MSH3: variants seen among roughly 807,000 people sequenced by gnomAD.
MSH3 encodes mutS homolog 3.
In MSH3, 106 loss-of-function variants were observed where a neutral mutation model predicts 123.3. The ratio of observed to expected loss-of-function variants is 0.86; its 90% CI spans 0.73 to 1.01. MSH3 has a LOEUF of 1.01. Ranked by LOEUF, MSH3 falls within the 50% of genes least tolerant of loss-of-function variation. The probability of loss-of-function intolerance (pLI) is 0.00; values close to 1 mark genes in which losing one functional copy is unlikely to be tolerated. For synonymous variants in MSH3, 515 were observed against 481.4 expected (o/e 1.07, Z -0.91); for missense variants, 1,459 against 1,347.6 (o/e 1.08, Z -1.29).
intron 20 of MSH3, among the ~76,000 whole-genome samples, chr5:80,830,097 T>C (rs1211578037): frequency 6.6e-6 from 1 of 152,178 alleles, no homozygotes; most frequent in Non-Finnish European, 1.5e-5. Context: ...ATTTTTAATA[T>C]TAGTAATTTG....
intron 8 of MSH3, among the ~76,000 whole-genome samples, chr5:80,714,366 C>G (rs1750915987): frequency 1.3e-5 from 2 of 152,028 alleles, no homozygotes; most frequent in South Asian, 4.2e-4. Flanking sequence ...GAACTCCTGA[C>G]CTCAGGTGAT....
At chr5:80,717,614 T>C (rs908953453) in intron 8 of MSH3, among the ~76,000 whole-genome samples, 3 of 152,326 alleles carry the variant, frequency 2.0e-5, no homozygotes, top group Admixed American at 2.0e-4. Flanking sequence ...CTGTCTCAGT[T>C]TACATTCCCA....
intron 20 of MSH3, among the ~76,000 whole-genome samples, chr5:80,822,887 G>A (rs535848304): frequency 5.9e-5 from 9 of 152,316 alleles, no homozygotes; most frequent in Admixed American, 2.6e-4. Flanking sequence ...CAGCCTTAAG[G>A]AACTGGCCCA....
intron 21 of MSH3, among the ~76,000 whole-genome samples, chr5:80,859,706 TTC>T (rs199901182): frequency 0.013 from 1,884 of 149,998 alleles, 15 homozygotes; most frequent in African/African-American, 0.045. Context: ...TTATTTCATT[TTC>T]TCTCTTTTTT....
At chr5:80,775,242 T>C (rs1241899239) in intron 15 of MSH3, among the ~76,000 whole-genome samples, 1 of 152,184 alleles carries the variant, frequency 6.6e-6, no homozygotes, top group African/African-American at 2.4e-5. Context: ...GTTCCTTGGA[T>C]AAAAACTATC....
chr5:80,745,807 T>G lies in MSH3; in HGVS notation c.1763+1192T>G, dbSNP rs752457776. Among the ~76,000 whole-genome samples, 4 of 152,362 alleles carry G rather than the reference T, an allele frequency of 2.6e-5. No individual in the cohort carries two copies. In the South Asian group the frequency reaches 8.3e-4, roughly 32 times the overall value. The stretch of plus-strand genomic sequence containing the variant: ...TGCTAGGAGCTTTATGAGCATTGTC[T>G]CTTTTAAACTGCACAGCAGCCTCAC... On this transcript the variant is annotated intron_variant, in intron 12 of 23. Coordinates refer to ENST00000265081, the MANE Select transcript of MSH3 (RefSeq NM_002439.5).
intron 21 of MSH3, among the ~76,000 whole-genome samples, chr5:80,856,690 TTAAAG>T (rs1745926576): frequency 6.6e-6 from 1 of 152,000 alleles, no homozygotes; most frequent in African/African-American, 2.4e-5. Flanking sequence ...ACCCTAAAAC[TTAAAG>T]TATAATAATA....
chr5:80,675,277 G>A (rs1196160470), intron 7 of MSH3, 149 bp downstream of exon 7: 15 of 960,974 alleles, frequency 1.6e-5, no homozygotes, highest in Non-Finnish European at 2.2e-5. Context: ...AATATTATAT[G>A]TTAAATCGCT....
At chr5:80,746,147 A>C (rs1296218676) in intron 12 of MSH3, among the ~76,000 whole-genome samples, 1 of 152,204 alleles carries the variant, frequency 6.6e-6, no homozygotes, top group East Asian at 1.9e-4. Flanking sequence ...ACTTGATCAT[A>C]CTATGAGAAA....
At chr5:80,658,035 C>CCTTTTTTTTTTTTTTTTTTTTTTTTTT (rs369384745) in intron 2 of MSH3, among the ~76,000 whole-genome samples, 1 of 87,216 alleles carries the variant, frequency 1.1e-5, no homozygotes, top group Non-Finnish European at 2.2e-5. Flanking sequence ...GCTTTTTGCC[C>CCTTTTTTTTTTTTTTTTTTTTTTTTTT]TCTTTTTTTT....
chr5:80,804,305 G>C (rs1744844433), intron 19 of MSH3, among the ~76,000 whole-genome samples: 2 of 152,226 alleles, frequency 1.3e-5, no homozygotes, highest in Non-Finnish European at 1.5e-5. Context: ...CATGGGCCTT[G>C]GGTGAGACCC....
At chr5:80,725,704 C>A in intron 9 of MSH3, 139 bp downstream of exon 9, 1 of 699,244 alleles carries the variant, frequency 1.4e-6, no homozygotes, top group Non-Finnish European at 2.6e-6. Flanking sequence ...TTGTTGTGCT[C>A]ATCAGAAACA....
At chr5:80,829,654 AT>A (rs1745384854) in intron 20 of MSH3, among the ~76,000 whole-genome samples, 1 of 151,982 alleles carries the variant, frequency 6.6e-6, no homozygotes. Flanking sequence ...TTTATTGAGG[AT>A]TTTTGCATCT....
intron 9 of MSH3, among the ~76,000 whole-genome samples, chr5:80,726,345 CT>C (rs1743302790): frequency 6.6e-6 from 1 of 152,200 alleles, no homozygotes; most frequent in African/African-American, 2.4e-5. Flanking sequence ...CTCCCCATCA[CT>C]GCTCCATTTA....
chr5:80,697,666 T>G (rs973593083), intron 8 of MSH3, among the ~76,000 whole-genome samples: 5 of 152,136 alleles, frequency 3.3e-5, no homozygotes, highest in African/African-American at 1.2e-4. Context: ...TCATTTAGAT[T>G]GTGTAAGCTA....
intron 20 of MSH3, among the ~76,000 whole-genome samples, chr5:80,846,369 G>A (rs375195212): frequency 1.3e-5 from 2 of 151,662 alleles, no homozygotes; most frequent in Non-Finnish European, 2.9e-5. Context: ...TTTGGGACCC[G>A]CTTGAGGAGG....
intron 3 of MSH3, among the ~76,000 whole-genome samples, chr5:80,666,609 C>G (rs993898060): frequency 2.0e-5 from 3 of 152,212 alleles, no homozygotes; most frequent in African/African-American, 7.2e-5. Flanking sequence ...ACTCCAAGGT[C>G]TCAGAAGAGC....
rs752946570 is a variant in MSH3 at position 80,847,358 on chromosome 5, A to ATT, written c.2814-6759_2814-6758dup. Reference sequence around the variant, plus strand: ...TATAGGCCACTGCACCTGGCTGAATATTTTTTTTTTTTTTGAGCCTGTCTC... The same window carrying ATT: ...TATAGGCCACTGCACCTGGCTGAATATTTTTTTTTTTTTTTTGAGCCTGTCTC... On this transcript the variant is annotated intron_variant, in intron 20 of 23. Coordinates refer to ENST00000265081, the MANE Select transcript of MSH3 (RefSeq NM_002439.5). 4.3e-3 allele frequency among the ~76,000 whole-genome samples: 613 copies of ATT among 141,308 alleles called. 1 individual carries two copies. The highest frequency in any genetic ancestry group is 0.011 in the African/African-American group (418 of 38,828). The allele number at this position is 141,308 out of a possible 152,430, so 92.7% of individuals were successfully genotyped here.
chr5:80,654,721 C>G lies in MSH3; in HGVS notation c.-7C>G. On this transcript the variant is annotated 5_prime_UTR_variant, in exon 1 of 24. Transcript: ENST00000265081. Reference sequence around the variant, plus strand: ...CCCTGCCGCCGGGCTGCCATCCTTGCCCTGCCATGTCTCGCCGGAAGCCTG... The same window carrying G: ...CCCTGCCGCCGGGCTGCCATCCTTGGCCTGCCATGTCTCGCCGGAAGCCTG... 6.3e-7 allele frequency: 1 copy of G among 1,594,038 alleles called. No individual in the cohort carries two copies. Among genetic ancestry groups the G allele is most frequent in the Non-Finnish European group, 8.5e-7 (1 of 1,172,716 alleles).
Sources: gnomAD v4.1 joint callset for allele counts (sites outside exome capture counted in the v4.1 genomes callset) on GRCh38, gnomAD v4.1.1 for gene constraint, MANE v1.5 for transcripts, NCBI Gene and HGNC (gene_info 2026-07-23, HGNC 2026-07-21) for gene names.